The following SRCAP variants were observed in gnomAD, a reference collection of about 807,000 sequenced individuals.
SRCAP encodes chromatin remodeling protein SRCAP.
In SRCAP, 46 loss-of-function variants were observed where a neutral mutation model predicts 263.1. That is an observed-to-expected ratio of 0.17 (90% CI 0.14 to 0.22). The LOEUF (loss-of-function observed/expected upper bound fraction) is 0.22, where lower values mean the gene tolerates loss of function less well. Among genes scored for constraint, SRCAP ranks in the 10% least tolerant of loss-of-function variants. The pLI, the probability that SRCAP is intolerant of heterozygous loss-of-function variation, is 1.00. For missense variants in SRCAP, 3,695 were observed against 4,181.9 expected (o/e 0.88, Z 3.21); for synonymous variants, 1,813 against 1,662.1 (o/e 1.09, Z -2.21).
rs75539912 is a variant in SRCAP at position 30,721,008 on chromosome 16, G to A, written c.3253+30G>A. On this transcript the variant is annotated intron_variant, in intron 20 of 33. Transcript: ENST00000262518. ...GTTGAAAGGGAGCCAAGGATGATGC[G>A]TGGTGCTTCAGAAAGGTTGTTCAGA... 188 of 1,572,716 alleles carry A rather than the reference G, an allele frequency of 1.2e-4. No homozygotes were observed. The East Asian group carries it at 4.0e-3, about 33-fold the overall frequency.
chr16:30,707,045 T>C (rs2052835215), intron 4 of SRCAP, 138 bp from the exon 5 acceptor site: 1 of 757,828 alleles, frequency 1.3e-6, no homozygotes, highest in African/African-American at 1.8e-5. Context: ...GAGAGTATGA[T>C]ACCTGCCTGT....
At chr16:30,716,707 T>G (rs2052954711) in intron 18 of SRCAP, among the ~76,000 whole-genome samples, 1 of 152,208 alleles carries the variant, frequency 6.6e-6, no homozygotes, top group Admixed American at 6.5e-5. Flanking sequence ...TTGAGGAGCA[T>G]CTGGACTTAG....
chr16:30,726,765 A>G (rs919421800), intron 25 of SRCAP, among the ~76,000 whole-genome samples: 3 of 152,018 alleles, frequency 2.0e-5, no homozygotes, highest in African/African-American at 7.2e-5. Context: ...AAGTGGCACC[A>G]TCCCGGCTCA....
rs576146929 is a variant in SRCAP, at chr16:30,731,014, G to T, written c.6127+1442G>T. Among the ~76,000 whole-genome samples the T allele has an allele frequency of 8.5e-5, 13 of 152,168 alleles. No individual in the cohort carries two copies. The East Asian group carries it at 2.3e-3, about 27-fold the overall frequency. ...TTTCTACCCTGCTGTACCATCTTTA[G>T]CTTTTTATCTTTTTATTCTCATGCT... On this transcript the variant is annotated intron_variant, in intron 27 of 33. Transcript: ENST00000262518.
rs764279559 is a variant in SRCAP at position 30,739,386 on chromosome 16, A to C, written c.9346A>C (p.Lys3116Gln). Residue 3116 changes from lysine (K) to glutamine (Q), a missense_variant, in exon 34 of 34, where the codon AAA becomes CAA. This residue lies in a region of SRCAP where 1,207 missense variants were observed against 1,142.9 expected (regional missense o/e 1.06). Coordinates refer to ENST00000262518, the MANE Select transcript of SRCAP (RefSeq NM_006662.3). ...LTPPVVSLTPKLRSTRLRPGS... is the reference protein window; with the variant it reads ...LTPPVVSLTPQLRSTRLRPGS... ...ACCACCTGTGGTCTCACTAACCCCA[A>C]AACTGCGCTCGACCCGGCTGCGTCC... 13 of 1,614,064 alleles carry C rather than the reference A, an allele frequency of 8.1e-6. No individual in the cohort carries two copies. The highest frequency in any genetic ancestry group is 1.3e-5 in the African/African-American group (1 of 74,930).
Position 30,711,619 on chromosome 16 carries a change from C to T in SRCAP, c.1367C>T (p.Ala456Val). The change falls in exon 11 of 34, where the codon GCC (alanine) becomes GTC (valine). Residue 456 changes from alanine (A) to valine (V), a missense_variant. Coordinates refer to ENST00000262518, the MANE Select transcript of SRCAP (RefSeq NM_006662.3). ...ELLQQYAGAY[A>V]PGSGSSEDED... ...TTGCAGCAGTATGCAGGAGCCTATG[C>T]CCCAGGCTCTGGGAGCAGTGAAGAT... 4 of 1,613,102 alleles carry T rather than the reference C, an allele frequency of 2.5e-6. No individual in the cohort carries two copies. Among genetic ancestry groups the T allele is most frequent in the Middle Eastern group, 3.3e-4 (2 of 6,030 alleles).
At chr16:30,719,928 A>G (rs1431046566) in intron 18 of SRCAP, among the ~76,000 whole-genome samples, 1 of 152,152 alleles carries the variant, frequency 6.6e-6, no homozygotes, top group Non-Finnish European at 1.5e-5. Context: ...CATGGTACTC[A>G]ACTGGTAGTT....
Position 30,720,338 on chromosome 16 carries a change from G to A in SRCAP, c.2987+7G>A, listed in dbSNP as rs1263123979. The stretch of plus-strand genomic sequence containing the variant: ...TCAAGATGAAGGTCAACAGGTACAA[G>A]GACTAAGGAATGAGGGGATGGTTCC... On this transcript the variant is annotated splice_region_variant and intron_variant, in intron 19 of 33. Coordinates refer to ENST00000262518, the MANE Select transcript of SRCAP (RefSeq NM_006662.3). The A allele has an allele frequency of 6.2e-7, 1 of 1,607,952 alleles. No homozygotes were observed. Among genetic ancestry groups the A allele is most frequent in the African/African-American group, 1.3e-5 (1 of 74,848 alleles).
rs1249045313 is a variant in SRCAP, at chr16:30,740,339, C to T, written c.*606C>T. 6.6e-6 allele frequency: 1 copy of T among 152,254 alleles called. No homozygotes were observed. Among genetic ancestry groups the T allele is most frequent in the African/African-American group, 2.4e-5 (1 of 41,406 alleles). The allele number at this position is 152,254 out of a possible 1,614,324, so 9.4% of individuals were successfully genotyped here. On this transcript the variant is annotated 3_prime_UTR_variant, in exon 34 of 34. Transcript: ENST00000262518. ...TGCCTTTCCCCAGTCAGTTTGAAGTCACAGATATCCTTTTCCTCTCATTTC... is the reference window on the plus strand; with the variant it reads ...TGCCTTTCCCCAGTCAGTTTGAAGTTACAGATATCCTTTTCCTCTCATTTC...
intron 22 of SRCAP, 73 bp from the exon 23 acceptor site, chr16:30,722,490 C>T: frequency 1.9e-6 from 3 of 1,569,814 alleles, no homozygotes; most frequent in South Asian, 2.3e-5. Flanking sequence ...CTTTTCTTCT[C>T]TTCTTGCCTT....
At position 30,738,203 on chromosome 16, in the gene SRCAP, G is replaced by A. The variant is rs780277901; in HGVS notation, c.8163G>A (p.Arg2721=). ...PEGPSPARPP[R]RRTSADVEIR... ...GTCCTTCACCTGCCCGACCTCCTCG[G>A]CGTCGCACCAGTGCTGATGTGGAAA... Residue 2721 remains arginine (R), a synonymous_variant, in exon 34 of 34, where the codon CGG becomes CGA. Coordinates refer to ENST00000262518, the MANE Select transcript of SRCAP (RefSeq NM_006662.3). 5 of 1,614,200 alleles carry A rather than the reference G, an allele frequency of 3.1e-6. No individual in the cohort carries two copies. In the South Asian group the frequency reaches 5.5e-5, roughly 18 times the overall value.
chr16:30,735,136 ATTTTTTTTTTTTTTTT>A (rs10532453), intron 31 of SRCAP, among the ~76,000 whole-genome samples: 3 of 106,504 alleles, frequency 2.8e-5, no homozygotes, highest in African/African-American at 1.3e-4. Context: ...AGTACAAAGC[ATTTTTTTTTTTTTTTT>A]TTTTTTTTTT....
chr16:30,727,181 G>C (rs1232768834), intron 25 of SRCAP, among the ~76,000 whole-genome samples: 1 of 152,152 alleles, frequency 6.6e-6, no homozygotes, highest in African/African-American at 2.4e-5. Flanking sequence ...GTGTGAAGTA[G>C]TAGTTCATTG....
At chr16:30,701,482 T>G (rs2052765822) in intron 3 of SRCAP, 1 of 152,192 alleles carries the variant, frequency 6.6e-6, no homozygotes, top group Admixed American at 6.5e-5. Context: ...ATAGTTTTCC[T>G]GAGAAACTGG....
chr16:30,738,550 G>T lies in SRCAP; in HGVS notation c.8510G>T (p.Gly2837Val), dbSNP rs780189416. The T allele has an allele frequency of 3.1e-6, 5 of 1,611,694 alleles. No individual in the cohort carries two copies. Among genetic ancestry groups the T allele is most frequent in the Non-Finnish European group, 3.4e-6 (4 of 1,178,784 alleles). The change falls in exon 34 of 34, where the codon GGT (glycine) becomes GTT (valine). Residue 2837 changes from glycine to valine, a missense_variant. Physicochemically the swap from Gly to Val is moderately radical, Grantham distance 109 (BLOSUM62 -3). This residue lies in a region of SRCAP where 1,207 missense variants were observed against 1,142.9 expected (regional missense o/e 1.06). Transcript: ENST00000262518. ...CGTCACATTGAGCTGGGGGTGACTG[G>T]TGGTGGCAGCCCCGAGAATGGAGAC... Reference protein sequence around the residue: ...ARRHIELGVTGGGSPENGDGA... With the variant: ...ARRHIELGVTVGGSPENGDGA...
In SRCAP at chr16:30,733,501, T is replaced by C; in HGVS notation, c.6297+52T>C. 1 of 1,609,616 alleles carries C rather than the reference T, an allele frequency of 6.2e-7. No homozygotes were observed. Among genetic ancestry groups the C allele is most frequent in the Non-Finnish European group, 8.5e-7 (1 of 1,176,946 alleles). ...AGGCTCACCTCCGCTTCTCTCTCCT[T>C]TTCCCAGGATTTGGGCTTCCAGACG... On this transcript the variant is annotated intron_variant, in intron 28 of 33. Coordinates refer to ENST00000262518, the MANE Select transcript of SRCAP (RefSeq NM_006662.3). The surrounding 1 kb of genome is among the most constrained non-coding windows in gnomAD (Gnocchi z 5.3).
intron 9 of SRCAP, 26 bp downstream of exon 9, chr16:30,710,873 T>C (rs1490827693): frequency 1.2e-6 from 2 of 1,611,542 alleles, no homozygotes. Flanking sequence ...TTTGTCCTAT[T>C]GCCCCTTACC....
At chr16:30,715,579 A>AG (rs551404973) in intron 16 of SRCAP, among the ~76,000 whole-genome samples, 1 of 151,680 alleles carries the variant, frequency 6.6e-6, no homozygotes, top group African/African-American at 2.4e-5. Context: ...AAAAAAAAAA[A>AG]AGAAAACAGG....
Position 30,720,881 on chromosome 16 carries a change from A to T in SRCAP, c.3156A>T (p.Ser1052=). The change falls in exon 20 of 34, where the codon TCA becomes TCT. Residue 1052 remains serine, a synonymous_variant. Coordinates refer to ENST00000262518, the MANE Select transcript of SRCAP (RefSeq NM_006662.3). ...PQVLPASLMV[S]ASPAGPPLIP... is the part of the protein sequence containing the mutation. ...TGCTGCCAGCATCACTGATGGTTTC[A>T]GCCTCACCTGCCGGGCCCCCGCTTA... The T allele has an allele frequency of 6.2e-7, 1 of 1,614,020 alleles. No homozygotes were observed. The highest frequency in any genetic ancestry group is 8.5e-7 in the Non-Finnish European group (1 of 1,179,998).
Sources: allele counts gnomAD v4.1 joint callset (sites outside exome capture counted in the v4.1 genomes callset), GRCh38; gene constraint gnomAD v4.1.1; regional missense constraint gnomAD v4.1.1; non-coding constraint Gnocchi (gnomAD v3.1); transcripts MANE v1.5; gene names NCBI Gene and HGNC (gene_info 2026-07-23, HGNC 2026-07-21).